CFAP46: variants seen among roughly 807,000 people sequenced by gnomAD.
CFAP46 encodes the protein cilia- and flagella-associated protein 46.
CFAP46 carries 245 observed loss-of-function variants against 325.7 expected under a neutral mutation model. The ratio of observed to expected loss-of-function variants is 0.75; its 90% CI spans 0.68 to 0.84. CFAP46 has a LOEUF of 0.84. CFAP46 is among the 40% of genes least tolerant of loss of function. CFAP46 has a pLI of 0.00. For synonymous variants in CFAP46, 1,523 were observed against 1,495.9 expected (o/e 1.02, Z -0.42); for missense variants, 3,346 against 3,543.0 (o/e 0.94, Z 1.41).
intron 22 of CFAP46, among the ~76,000 whole-genome samples, chr10:132,905,444 T>A (rs1326524247): frequency 6.9e-6 from 1 of 144,532 alleles, no homozygotes; most frequent in Admixed American, 6.8e-5. Flanking sequence ...ATCCCACATA[T>A]CTTTCCTTTT....
intron 41 of CFAP46, among the ~76,000 whole-genome samples, chr10:132,849,900 G>A (rs1033566438): frequency 2.0e-5 from 3 of 152,192 alleles, no homozygotes; most frequent in African/African-American, 7.2e-5. Flanking sequence ...CAGAGCCGCT[G>A]CTGCGGGACA....
In CFAP46 at chr10:132,889,335, C is replaced by A. The variant is rs946237503; in HGVS notation, c.3304+2998G>T. 1.1e-4 allele frequency among the ~76,000 whole-genome samples: 16 copies of A among 152,326 alleles called. No homozygotes were observed. Among genetic ancestry groups the A allele is most frequent in the Admixed American group, 5.2e-4 (8 of 15,302 alleles). On this transcript the variant is annotated intron_variant, in intron 25 of 57. Coordinates refer to ENST00000368586, the MANE Select transcript of CFAP46 (RefSeq NM_001200049.3). The surrounding 1 kb of genome is among the most constrained non-coding windows in gnomAD (Gnocchi z 6.0). ...CGGCTGGGTCTAGGGAGCAGAGGTG[C>A]CCATGGCTGGAAGGAAGGCACCCAT...
chr10:132,863,688 ATGC>A (rs1848756424), intron 35 of CFAP46, among the ~76,000 whole-genome samples: 1 of 147,292 alleles, frequency 6.8e-6, no homozygotes, highest in African/African-American at 2.6e-5. Flanking sequence ...TGAGACCTGC[ATGC>A]ACACATCTGT....
At chr10:132,849,082 G>C (rs142465192) in intron 41 of CFAP46, among the ~76,000 whole-genome samples, 1 of 152,192 alleles carries the variant, frequency 6.6e-6, no homozygotes, top group Non-Finnish European at 1.5e-5. Context: ...TGCATGGGGC[G>C]GGGGCCGCGG....
At chr10:132,852,138 CTGATCCACAGA>C (rs1848563129) in intron 39 of CFAP46, among the ~76,000 whole-genome samples, 1 of 138,956 alleles carries the variant, frequency 7.2e-6, no homozygotes, top group African/African-American at 2.8e-5. Flanking sequence ...TTCTCAGATC[CTGATCCACAGA>C]CGTGGTATGT....
intron 4 of CFAP46, 125 bp downstream of exon 4, chr10:132,940,871 A>ATG: frequency 1.1e-6 from 1 of 918,916 alleles, no homozygotes; most frequent in Non-Finnish European, 1.7e-6. Context: ...TCACACGTGC[A>ATG]TGAAAATCAC....
chr10:132,847,056 TGCA>T lies in CFAP46; in HGVS notation c.6140_6142del (p.Leu2047del). The T allele has an allele frequency of 1.9e-6, 3 of 1,612,688 alleles. No individual in the cohort carries two copies. The highest frequency in any genetic ancestry group is 1.7e-6 in the Non-Finnish European group (2 of 1,179,924). On this transcript the variant is annotated inframe_deletion, in exon 43 of 58. Transcript: ENST00000368586. The surrounding 1 kb of genome is among the most constrained non-coding windows in gnomAD (Gnocchi z 5.2). Reference sequence around the variant, plus strand: ...ACTGCCAAGGGCCACCTGTAGGCACTGCAGCAGCACCTCTGACGCCTGAGCCAG... The same window carrying T: ...ACTGCCAAGGGCCACCTGTAGGCACTGCAGCACCTCTGACGCCTGAGCCAG...
Position 132,914,088 on chromosome 10 carries a change from A to AGCTCCCTTGAGCCTCCTGGCTTCGCT in CFAP46, c.2121-831_2121-830insAGCGAAGCCAGGAGGCTCAAGGGAGC, listed in dbSNP as rs1175905998. 8.2e-5 allele frequency among the ~76,000 whole-genome samples: 10 copies of AGCTCCCTTGAGCCTCCTGGCTTCGCT among 121,632 alleles called. No individual in the cohort carries two copies. The East Asian group carries it at 9.9e-4, about 12-fold the overall frequency. The allele number at this position is 121,632 out of a possible 152,430, so 79.8% of individuals were successfully genotyped here. A position where few individuals can be genotyped will look rare whatever the true frequency, so the allele number is the denominator to read the frequency against. ...CCGAGGCTGTGTCCAGCCACACTGC[A>AGCTCCCTTGAGCCTCCTGGCTTCGCT]CCCCGGCCCGAGGCTGTGTCCAGCC... On this transcript the variant is annotated intron_variant, in intron 17 of 57. Transcript: ENST00000368586.
intron 19 of CFAP46, among the ~76,000 whole-genome samples, chr10:132,912,454 T>TC (rs1477020022): frequency 7.1e-6 from 1 of 140,048 alleles, no homozygotes; most frequent in Non-Finnish European, 1.6e-5. Flanking sequence ...CCTCTCTCTC[T>TC]CTCTTCACCT....
intron 44 of CFAP46, among the ~76,000 whole-genome samples, chr10:132,843,116 G>A (rs1189033045): frequency 6.6e-6 from 1 of 152,140 alleles, no homozygotes; most frequent in Non-Finnish European, 1.5e-5. Flanking sequence ...TCAACCTTGG[G>A]CTGCATTCAC....
In CFAP46 at chr10:132,857,657, G is replaced by A. The variant is rs768334773; in HGVS notation, c.5507C>T (p.Ala1836Val). The part of the protein sequence containing the change: ...LHSIQGLYGL[A>V]QGAMAEEEGR... ...TTCTTCCTCAGCCATGGCGCCCTGGGCCAGGCCATATAAGCCCTGGATGCT... is the reference window on the plus strand; with the variant it reads ...TTCTTCCTCAGCCATGGCGCCCTGGACCAGGCCATATAAGCCCTGGATGCT... Residue 1836 changes from alanine (A) to valine (V), a missense_variant, in exon 39 of 58, where the codon GCC becomes GTC. Ala to Val is a moderately conservative substitution (Grantham distance 64). Coordinates refer to ENST00000368586, the MANE Select transcript of CFAP46 (RefSeq NM_001200049.3). 3.1e-6 allele frequency: 5 copies of A among 1,613,052 alleles called. No homozygotes were observed. The South Asian group carries it at 4.4e-5, about 14-fold the overall frequency.
intron 43 of CFAP46, among the ~76,000 whole-genome samples, chr10:132,846,619 C>T (rs1214150851): frequency 2.1e-5 from 3 of 145,810 alleles, no homozygotes; most frequent in South Asian, 2.2e-4. Flanking sequence ...TGCTGGCCTG[C>T]GACTGCCGGG....
chr10:132,904,844 C>T (rs917787092), intron 22 of CFAP46, among the ~76,000 whole-genome samples: 31 of 152,254 alleles, frequency 2.0e-4, no homozygotes, highest in Non-Finnish European at 4.4e-5. Context: ...TTGCTGCAGC[C>T]TCGACCTACA....
intron 25 of CFAP46, among the ~76,000 whole-genome samples, chr10:132,887,945 T>G (rs1849187475): frequency 1.4e-5 from 1 of 72,740 alleles, no homozygotes; most frequent in Non-Finnish European, 2.3e-5. Context: ...CTCTTTCACC[T>G]CTCTCTCTCC....
Position 132,826,271 on chromosome 10 carries a change from G to A in CFAP46, c.7117+7087C>T, listed in dbSNP as rs564709378. Among the ~76,000 whole-genome samples, 4 of 143,178 alleles carry A rather than the reference G, an allele frequency of 2.8e-5. No individual in the cohort carries two copies. The South Asian group carries it at 6.9e-4, about 25-fold the overall frequency. 93.9% of individuals were successfully genotyped at this position (143,178 alleles called of 152,430 possible). ...CCACGGAGACCAGCCACGGAGCCAG[G>A]CAGGAGCCGGAGCCGCAGAGACCCA... On this transcript the variant is annotated intron_variant, in intron 50 of 57. Transcript: ENST00000368586.
rs1215069869 is a variant in CFAP46, at chr10:132,866,182, C to A, written c.4744-11G>T. 13 of 1,509,694 alleles carry A rather than the reference C, an allele frequency of 8.6e-6. No individual in the cohort carries two copies. In the East Asian group the frequency reaches 2.0e-4, roughly 23 times the overall value. 93.5% of individuals were successfully genotyped at this position (1,509,694 alleles called of 1,614,324 possible). A position where few individuals can be genotyped will look rare whatever the true frequency, so the allele number is the denominator to read the frequency against. On this transcript the variant is annotated splice_polypyrimidine_tract_variant and intron_variant, in intron 34 of 57. Transcript: ENST00000368586. ...ATTCATCTTCAAAATCTGTAAGATA[C>A]CGCAGCCCCAGGCGGCACGATCCTG... is the stretch of plus-strand genomic sequence containing the variant.
chr10:132,903,709 G>A (rs1196510791), intron 22 of CFAP46, among the ~76,000 whole-genome samples: 2 of 152,218 alleles, frequency 1.3e-5, no homozygotes, highest in African/African-American at 4.8e-5. Context: ...CCGGAACTAG[G>A]TGACTTTTAA....
chr10:132,829,192 A>G (rs1848109581), intron 50 of CFAP46, among the ~76,000 whole-genome samples: 1 of 151,588 alleles, frequency 6.6e-6, no homozygotes, highest in African/African-American at 2.4e-5. Context: ...CTTCTCATCT[A>G]AGAGCATGAT....
chr10:132,934,605 C>T, intron 8 of CFAP46, 147 bp downstream of exon 8: 1 of 620,582 alleles, frequency 1.6e-6, no homozygotes, highest in Non-Finnish European at 2.8e-6. Context: ...AAAGACCAGA[C>T]AGGACCTTAC....
Sources: allele counts gnomAD v4.1 joint callset (sites outside exome capture counted in the v4.1 genomes callset), GRCh38; gene constraint gnomAD v4.1.1; non-coding constraint Gnocchi (gnomAD v3.1); transcripts MANE v1.5; gene names NCBI Gene and HGNC (gene_info 2026-07-23, HGNC 2026-07-21).